Variants in TMPRSS11A observed in about 807,000 individuals in gnomAD.
TMPRSS11A encodes transmembrane serine protease 11A, also known as transmembrane protease serine 11A.
In TMPRSS11A, 53 loss-of-function variants were observed where a neutral mutation model predicts 58.9. The ratio of observed to expected loss-of-function variants is 0.90; its 90% confidence interval spans 0.72 to 1.13. The LOEUF is 1.13. TMPRSS11A is among the 50% of genes most tolerant of loss of function. The pLI is 0.00. For missense variants in TMPRSS11A, 493 were observed against 499.3 expected, an observed-to-expected ratio of 0.99 and a Z score of 0.12; for synonymous variants, 167 against 169.8, an observed-to-expected ratio of 0.98 and a Z score of 0.13.
At chr4:67,958,578 C>G (rs1320924050) in intron 1 of TMPRSS11A, among the ~76,000 whole-genome samples, 1 of 152,208 alleles carries the variant, frequency 6.6e-6, no homozygotes, top group East Asian at 1.9e-4. Context: ...TAGGAAGTAA[C>G]TAACTTACTT....
rs1720954302 is a variant in TMPRSS11A, at chr4:67,944,525, T to G, written c.246A>C (p.Glu82Asp). The G allele has an allele frequency of 1.2e-6, 2 of 1,608,720 alleles. No homozygotes were observed. Among genetic ancestry groups the G allele is most frequent in the African/African-American group, 2.7e-5 (2 of 74,684 alleles). Residue 82 changes from glutamate (E) to aspartate (D), a missense_variant, in exon 3 of 10, where the codon GAA becomes GAC. Glu to Asp is a conservative substitution (Grantham distance 45). Transcript: ENST00000508048. ...YQLKDLRETT[E>D]NLVDEIFIDS... Reference sequence around the variant, plus strand: ...AGAAGTTTACCTGACTCACCAAATTTTCGGTCGTCTCTCGTAAGTCCTTAA... The same window carrying G: ...AGAAGTTTACCTGACTCACCAAATTGTCGGTCGTCTCTCGTAAGTCCTTAA...
At chr4:67,953,140 GGAGGGA>G (rs912550420) in intron 1 of TMPRSS11A, among the ~76,000 whole-genome samples, 13 of 152,278 alleles carry the variant, frequency 8.5e-5, no homozygotes, top group African/African-American at 3.1e-4. Flanking sequence ...TGATCTAACA[GGAGGGA>G]GAGCTTGGGT....
intron 1 of TMPRSS11A, among the ~76,000 whole-genome samples, chr4:67,959,663 CA>C (rs377045239): frequency 3.3e-5 from 5 of 152,182 alleles, no homozygotes; most frequent in African/African-American, 9.6e-5. Context: ...ATTAAAGAGT[CA>C]AAAAACAGCA....
At chr4:67,928,285 A>T (rs956090180) in intron 5 of TMPRSS11A, among the ~76,000 whole-genome samples, 3 of 152,146 alleles carry the variant, frequency 2.0e-5, no homozygotes, top group Non-Finnish European at 2.9e-5. Context: ...ACCTCAGGTG[A>T]TCCACCCGCC....
At chr4:67,944,700 C>T (rs1338369634) in intron 2 of TMPRSS11A, 63 bp from the exon 3 acceptor site, 1 of 1,382,328 alleles carries the variant, frequency 7.2e-7, no homozygotes, top group Non-Finnish European at 1.0e-6. Flanking sequence ...AACTCAATTA[C>T]AATGGGGCCA....
chr4:67,913,758 C>T (rs1170779202), intron 9 of TMPRSS11A, among the ~76,000 whole-genome samples: 2 of 152,162 alleles, frequency 1.3e-5, no homozygotes, highest in Admixed American at 6.5e-5. Flanking sequence ...GGTCCCTGCT[C>T]CTTTTCTGAT....
chr4:67,939,387 G>A lies in TMPRSS11A; in HGVS notation c.252+5132C>T, dbSNP rs942503157. On this transcript the variant is annotated intron_variant, in intron 3 of 9. Transcript: ENST00000508048. ...AGAGATAATTTGACTTCCTCTTTTC[G>A]TATTTGGATGCATTTTCCTTCTTTC... 3.3e-5 allele frequency among the ~76,000 whole-genome samples: 5 copies of A among 152,156 alleles called. No individual in the cohort carries two copies. The East Asian group carries it at 5.8e-4, about 18-fold the overall frequency.
intron 8 of TMPRSS11A, among the ~76,000 whole-genome samples, chr4:67,917,311 T>C (rs1160128486): frequency 1.3e-5 from 2 of 152,126 alleles, no homozygotes; most frequent in East Asian, 3.8e-4. Context: ...TATATTTTTG[T>C]TTTCATTTAG....
chr4:67,962,315 T>C (rs1337100222), intron 1 of TMPRSS11A, among the ~76,000 whole-genome samples: 1 of 152,152 alleles, frequency 6.6e-6, no homozygotes, highest in Non-Finnish European at 1.5e-5. Flanking sequence ...GAAGGAAACC[T>C]AGTGAAGTTC....
At chr4:67,934,168 G>A (rs915781129) in intron 3 of TMPRSS11A, among the ~76,000 whole-genome samples, 4 of 152,076 alleles carry the variant, frequency 2.6e-5, no homozygotes, top group African/African-American at 7.2e-5. Flanking sequence ...TTACTACATC[G>A]GAGGAGGCCT....
At chr4:67,951,017 T>C (rs1721143361) in intron 1 of TMPRSS11A, among the ~76,000 whole-genome samples, 1 of 152,160 alleles carries the variant, frequency 6.6e-6, no homozygotes, top group Non-Finnish European at 1.5e-5. Context: ...AAACAAGAGA[T>C]GGGGCAGACC....
chr4:67,918,904 T>G, intron 8 of TMPRSS11A, 69 bp downstream of exon 8: 1 of 1,549,446 alleles, frequency 6.5e-7, no homozygotes, highest in South Asian at 1.2e-5. Context: ...CAGGATAATA[T>G]TGATGGAGAT....
chr4:67,929,088 T>C (rs1720546054), intron 5 of TMPRSS11A, among the ~76,000 whole-genome samples: 1 of 152,250 alleles, frequency 6.6e-6, no homozygotes, highest in African/African-American at 2.4e-5. Context: ...TTGGAGCCTT[T>C]TAAGAAATTA....
intron 8 of TMPRSS11A, among the ~76,000 whole-genome samples, chr4:67,915,232 G>A (rs750409531): frequency 9.2e-5 from 14 of 151,758 alleles, no homozygotes; most frequent in South Asian, 4.2e-4. Flanking sequence ...TGCATTAAAC[G>A]GCAATGATTT....
At chr4:67,948,045 T>C (rs766339990) in intron 1 of TMPRSS11A, among the ~76,000 whole-genome samples, 1 of 152,220 alleles carries the variant, frequency 6.6e-6, no homozygotes, top group Non-Finnish European at 1.5e-5. Context: ...TATATATTGA[T>C]AGCCTAAATT....
chr4:67,918,423 A>G (rs189766742), intron 8 of TMPRSS11A, among the ~76,000 whole-genome samples: 1 of 152,360 alleles, frequency 6.6e-6, no homozygotes, highest in Admixed American at 6.5e-5. Flanking sequence ...TAGCTTCTTC[A>G]GTACTGAAGC....
At chr4:67,944,913 A>C (rs1720966783) in intron 2 of TMPRSS11A, among the ~76,000 whole-genome samples, 1 of 152,204 alleles carries the variant, frequency 6.6e-6, no homozygotes, top group African/African-American at 2.4e-5. Flanking sequence ...TTCATTTTAC[A>C]GATAAGGAAA....
intron 7 of TMPRSS11A, among the ~76,000 whole-genome samples, chr4:67,921,590 T>C (rs1720332023): frequency 6.6e-6 from 1 of 152,198 alleles, no homozygotes; most frequent in Non-Finnish European, 1.5e-5. Flanking sequence ...ATTACAGGCA[T>C]GAGCCACCAT....
intron 3 of TMPRSS11A, 122 bp downstream of exon 3, chr4:67,944,397 A>T: frequency 8.6e-7 from 1 of 1,163,416 alleles, no homozygotes; most frequent in Non-Finnish European, 1.2e-6. Context: ...GGGGCCTAGC[A>T]ATCTGCAAGA....
Sources: allele counts gnomAD v4.1 joint callset (sites outside exome capture counted in the v4.1 genomes callset), GRCh38; gene constraint gnomAD v4.1.1; transcripts MANE v1.5; gene names NCBI Gene and HGNC (gene_info 2026-07-23, HGNC 2026-07-21).